The following CSMD1 variants were observed in gnomAD, a reference collection of about 807,000 sequenced individuals.
CSMD1 encodes the protein CUB and Sushi multiple domains 1.
In CSMD1, 213 loss-of-function variants were observed where a neutral mutation model predicts 417.5. The ratio of observed to expected loss-of-function variants is 0.51; its 90% CI spans 0.46 to 0.57. CSMD1 has a LOEUF of 0.57. Ranked by LOEUF, CSMD1 falls within the 20% of genes least tolerant of loss-of-function variation. CSMD1 has a pLI of 0.00. For missense variants in CSMD1, 6,923 were observed against 4,529.7 expected (o/e 1.53, Z -15.17); for synonymous variants, 2,862 against 1,736.8 (o/e 1.65, Z -16.11).
chr8:3,804,154 A>G (rs1219217236), intron 5 of CSMD1, among the ~76,000 whole-genome samples: 1 of 151,866 alleles, frequency 6.6e-6, no homozygotes, highest in East Asian at 1.9e-4. Context: ...CTGGTCTCGA[A>G]CTCCCGACCC....
chr8:4,217,172 T>C (rs1021728134), intron 3 of CSMD1, among the ~76,000 whole-genome samples: 2 of 152,212 alleles, frequency 1.3e-5, no homozygotes, highest in Non-Finnish European at 1.5e-5. Flanking sequence ...TGAATACTTT[T>C]CATGCCGCTG....
At chr8:3,545,523 G>T (rs747266040) in intron 10 of CSMD1, among the ~76,000 whole-genome samples, 2 of 152,064 alleles carry the variant, frequency 1.3e-5, no homozygotes. Flanking sequence ...CATACTGTTC[G>T]GTATAATTTC....
rs944672076 is a variant in CSMD1 at position 3,252,674 on chromosome 8, G to A, written c.4154-22443C>T. ...CTTATACCTCTGGTAGAATTTGGCT[G>A]TGAATCCATCTGGTCCTGGACTTTT... On this transcript the variant is annotated intron_variant, in intron 26 of 69. Coordinates refer to ENST00000635120, the MANE Select transcript of CSMD1 (RefSeq NM_033225.6). 2.0e-5 allele frequency among the ~76,000 whole-genome samples: 3 copies of A among 152,162 alleles called. No homozygotes were observed. In the East Asian group the frequency reaches 5.8e-4, roughly 29 times the overall value.
At chr8:4,296,833 G>C (rs1220471868) in intron 3 of CSMD1, among the ~76,000 whole-genome samples, 2 of 150,426 alleles carry the variant, frequency 1.3e-5, no homozygotes, top group Non-Finnish European at 2.9e-5. Flanking sequence ...GAAGATATCT[G>C]TGGAGGGCCT....
chr8:4,795,357 C>T (rs1381128190), intron 1 of CSMD1, among the ~76,000 whole-genome samples: 1 of 140,432 alleles, frequency 7.1e-6, no homozygotes, highest in Non-Finnish European at 1.5e-5. Flanking sequence ...CTGCAAGCTC[C>T]GCCTCCCAGG....
chr8:4,829,649 G>A (rs1169284613), intron 1 of CSMD1, among the ~76,000 whole-genome samples: 1 of 151,878 alleles, frequency 6.6e-6, no homozygotes, highest in East Asian at 1.9e-4. Context: ...CTGAGGAGGG[G>A]GGATCGCTTA....
chr8:3,437,512 G>A (rs1005728492), intron 12 of CSMD1, among the ~76,000 whole-genome samples: 2 of 152,118 alleles, frequency 1.3e-5, no homozygotes, highest in African/African-American at 4.8e-5. Context: ...AGCTTCTCCA[G>A]CCCTGCTCAA....
Position 3,092,191 on chromosome 8 carries a change from T to A in CSMD1, c.7139-529A>T, listed in dbSNP as rs573302499. 1.1e-4 allele frequency among the ~76,000 whole-genome samples: 16 copies of A among 152,222 alleles called. No homozygotes were observed. The South Asian group carries it at 1.7e-3, about 16-fold the overall frequency. On this transcript the variant is annotated intron_variant, in intron 47 of 69. Coordinates refer to ENST00000635120, the MANE Select transcript of CSMD1 (RefSeq NM_033225.6). Reference sequence around the variant, plus strand: ...GGCAAATTTTAGATCAAACTAGTAATTTGGAGTTTTAAAAAAAGAATTGAA... The same window carrying A: ...GGCAAATTTTAGATCAAACTAGTAAATTGGAGTTTTAAAAAAAGAATTGAA...
rs1554440742 is a variant in CSMD1 at position 3,796,429 on chromosome 8, T to TAGAG, written c.819-42388_819-42387insCTCT. On this transcript the variant is annotated intron_variant, in intron 5 of 69. Coordinates refer to ENST00000635120, the MANE Select transcript of CSMD1 (RefSeq NM_033225.6). ...TAGATATATATCTATCATGTATAGA[T>TAGAG]ATATATATCTATCGTGTATAGATAT... Among the ~76,000 whole-genome samples, 9 of 107,296 alleles carry TAGAG rather than the reference T, an allele frequency of 8.4e-5. 1 individual carries two copies. The highest frequency in any genetic ancestry group is 3.2e-4 in the African/African-American group (9 of 28,338). 70.4% of individuals were successfully genotyped at this position (107,296 alleles called of 152,430 possible).
intron 3 of CSMD1, among the ~76,000 whole-genome samples, chr8:4,393,694 A>G (rs1804015292): frequency 6.6e-6 from 1 of 152,208 alleles, no homozygotes. Flanking sequence ...ATTAACCAAG[A>G]ACCTGGAACT....
chr8:4,356,752 G>C (rs910918869), intron 3 of CSMD1, among the ~76,000 whole-genome samples: 3 of 152,070 alleles, frequency 2.0e-5, no homozygotes, highest in African/African-American at 4.8e-5. Context: ...CTCCGGCCGT[G>C]AATGACTGGA....
intron 3 of CSMD1, among the ~76,000 whole-genome samples, chr8:4,131,681 AT>A (rs1221911536): frequency 6.7e-6 from 1 of 149,666 alleles, no homozygotes. Flanking sequence ...GACTTCATTT[AT>A]TGCATCCCTT....
At chr8:3,749,933 C>A (rs1156320405) in intron 6 of CSMD1, among the ~76,000 whole-genome samples, 2 of 152,084 alleles carry the variant, frequency 1.3e-5, no homozygotes, top group African/African-American at 2.4e-5. Flanking sequence ...CTGTTGGACG[C>A]ATGCCTGAAA....
intron 6 of CSMD1, among the ~76,000 whole-genome samples, chr8:3,720,634 C>CACACAA (rs1802102075): frequency 6.6e-6 from 1 of 151,634 alleles, no homozygotes; most frequent in Non-Finnish European, 1.5e-5. Context: ...CACACACACA[C>CACACAA]ACACACACAC....
intron 18 of CSMD1, among the ~76,000 whole-genome samples, chr8:3,381,121 T>G (rs1810601530): frequency 6.6e-6 from 1 of 152,150 alleles, no homozygotes; most frequent in African/African-American, 2.4e-5. Flanking sequence ...ATTCAATGAC[T>G]GTGCTATGAT....
At chr8:4,953,498 G>A (rs1312449379) in intron 1 of CSMD1, among the ~76,000 whole-genome samples, 4 of 152,058 alleles carry the variant, frequency 2.6e-5, no homozygotes, top group Middle Eastern at 3.4e-3. Context: ...ACCCAACATC[G>A]TCCACGGTGG....
intron 4 of CSMD1, among the ~76,000 whole-genome samples, chr8:4,009,026 T>C (rs891134942): frequency 6.6e-6 from 1 of 152,150 alleles, no homozygotes; most frequent in African/African-American, 2.4e-5. Flanking sequence ...TCCATCAGAG[T>C]AATTATTTTT....
chr8:4,554,500 C>A (rs1306415213), intron 2 of CSMD1, among the ~76,000 whole-genome samples: 1 of 152,070 alleles, frequency 6.6e-6, no homozygotes, highest in African/African-American at 2.4e-5. Context: ...GAACAAATTT[C>A]CTGTTTAATT....
chr8:4,187,144 G>C (rs565825996), intron 3 of CSMD1, among the ~76,000 whole-genome samples: 1 of 5,430 alleles, frequency 1.8e-4, no homozygotes, highest in Non-Finnish European at 2.4e-3. Context: ...AAAACATATT[G>C]ATTTACTGCT....
Sources: gnomAD v4.1 joint callset for allele counts (sites outside exome capture counted in the v4.1 genomes callset) on GRCh38, gnomAD v4.1.1 for gene constraint, MANE v1.5 for transcripts, NCBI Gene and HGNC (gene_info 2026-07-23, HGNC 2026-07-21) for gene names.